RAB11FIP4: variants seen among roughly 807,000 people sequenced by gnomAD.
RAB11FIP4 encodes the protein RAB11 family interacting protein 4.
In RAB11FIP4, 23 loss-of-function variants were observed where a neutral mutation model predicts 74.3. The observed-to-expected ratio is 0.31, with a 90% CI of 0.22 to 0.44. The LOEUF (loss-of-function observed/expected upper bound fraction) is 0.44. RAB11FIP4 is among the 20% of genes least tolerant of loss of function. The pLI is 1.00. For synonymous variants in RAB11FIP4, 360 were observed against 359.9 expected (o/e 1.00, Z 0.00); for missense variants, 630 against 863.9 (o/e 0.73, Z 3.39).
At chr17:31,523,123 C>T (rs2072698947) in intron 7 of RAB11FIP4, 1 of 284,462 alleles carries the variant, frequency 3.5e-6, no homozygotes, top group Non-Finnish European at 7.0e-6. Flanking sequence ...CTCAGGAGGC[C>T]CAGACCCTCT....
chr17:31,476,487 G>A (rs147081466), intron 3 of RAB11FIP4, among the ~76,000 whole-genome samples: 1,750 of 152,076 alleles, frequency 0.012, 32 homozygotes, highest in African/African-American at 0.034. Context: ...GCCTGGCCTC[G>A]TGTGTACTAT....
chr17:31,525,364 T>A, intron 10 of RAB11FIP4, 134 bp downstream of exon 10: 1 of 829,460 alleles, frequency 1.2e-6, no homozygotes, highest in Non-Finnish European at 1.9e-6. Flanking sequence ...TTTCCAGTAG[T>A]AACAGTTCCA....
chr17:31,453,355 C>CAA (rs747844559), intron 3 of RAB11FIP4, among the ~76,000 whole-genome samples: 146 of 71,504 alleles, frequency 2.0e-3, no homozygotes, highest in Non-Finnish European at 2.8e-3. Context: ...GACCCTACCT[C>CAA]AAAAAAAAAA....
chr17:31,478,213 G>A (rs2071813669), intron 3 of RAB11FIP4, among the ~76,000 whole-genome samples: 3 of 152,146 alleles, frequency 2.0e-5, no homozygotes, highest in Non-Finnish European at 2.9e-5. Context: ...GGCTGGTCTC[G>A]AACTCTTGAC....
chr17:31,430,867 A>G (rs2071303294), intron 1 of RAB11FIP4, among the ~76,000 whole-genome samples: 1 of 152,088 alleles, frequency 6.6e-6, no homozygotes, highest in Non-Finnish European at 1.5e-5. Flanking sequence ...CAGTGAGCAG[A>G]CGCAGTGATG....
chr17:31,399,811 A>T (rs1449409203), intron 1 of RAB11FIP4, among the ~76,000 whole-genome samples: 1 of 152,024 alleles, frequency 6.6e-6, no homozygotes, highest in Non-Finnish European at 1.5e-5. Flanking sequence ...TGGGAGGCTG[A>T]GGCAGGCGGA....
chr17:31,445,572 A>ATTTTT, intron 3 of RAB11FIP4, among the ~76,000 whole-genome samples: 1 of 10,696 alleles, frequency 9.3e-5, no homozygotes, highest in Non-Finnish European at 1.5e-4. Flanking sequence ...ATATATATAT[A>ATTTTT]TATATATTTT....
chr17:31,416,076 G>A (rs1210978936), intron 1 of RAB11FIP4, among the ~76,000 whole-genome samples: 2 of 152,186 alleles, frequency 1.3e-5, no homozygotes, highest in Non-Finnish European at 2.9e-5. Flanking sequence ...GTACCTTATC[G>A]AAGCCCAGGC....
intron 1 of RAB11FIP4, among the ~76,000 whole-genome samples, chr17:31,400,527 C>T (rs1427836458): frequency 6.6e-6 from 1 of 152,204 alleles, no homozygotes; most frequent in East Asian, 1.9e-4. Context: ...ACCCTGGCTG[C>T]TGTGTGGCTC....
At chr17:31,398,089 A>G (rs2070947736) in intron 1 of RAB11FIP4, among the ~76,000 whole-genome samples, 2 of 151,594 alleles carry the variant, frequency 1.3e-5, no homozygotes, top group Admixed American at 1.3e-4. Flanking sequence ...TCACTCTGTC[A>G]CCCAGGCTGG....
intron 3 of RAB11FIP4, among the ~76,000 whole-genome samples, chr17:31,464,187 C>A (rs1393454476): frequency 6.6e-6 from 1 of 151,880 alleles, no homozygotes; most frequent in Admixed American, 6.6e-5. Flanking sequence ...TTGAACATGG[C>A]TATGAGGAGA....
intron 2 of RAB11FIP4, among the ~76,000 whole-genome samples, chr17:31,433,737 C>T (rs1348457330): frequency 2.0e-5 from 3 of 152,210 alleles, no homozygotes; most frequent in Non-Finnish European, 4.4e-5. Context: ...GGCAGCACTG[C>T]CTTAGGTCCC....
chr17:31,455,536 C>G (rs2071570963), intron 3 of RAB11FIP4, among the ~76,000 whole-genome samples: 1 of 152,136 alleles, frequency 6.6e-6, no homozygotes, highest in Non-Finnish European at 1.5e-5. Flanking sequence ...TATTTGGATC[C>G]CCTTCAAGTT....
intron 10 of RAB11FIP4, chr17:31,527,045 GC>G (rs1470047892): frequency 6.6e-6 from 1 of 152,284 alleles, no homozygotes; most frequent in African/African-American, 2.4e-5. Flanking sequence ...TACTGTCAGA[GC>G]CCATGCCTGT....
Position 31,445,231 on chromosome 17 carries a change from A to G in RAB11FIP4, c.336+11109A>G, listed in dbSNP as rs374180225. Among the ~76,000 whole-genome samples the G allele has an allele frequency of 2.5e-3, 385 of 152,252 alleles. 1 individual carries two copies. The highest frequency in any genetic ancestry group is 8.6e-3 in the African/African-American group (356 of 41,554). On this transcript the variant is annotated intron_variant, in intron 3 of 14. Transcript: ENST00000621161. The stretch of plus-strand genomic sequence containing the variant: ...TTTATTTTGAAAATTTTCAACCTTC[A>G]GAAAAGAGCAGAACAATGAATCCAC...
At chr17:31,448,004 G>T (rs2071484698) in intron 3 of RAB11FIP4, among the ~76,000 whole-genome samples, 1 of 151,666 alleles carries the variant, frequency 6.6e-6, no homozygotes, top group African/African-American at 2.4e-5. Flanking sequence ...GAGAGACAGG[G>T]TCTCACTATG....
intron 1 of RAB11FIP4, among the ~76,000 whole-genome samples, chr17:31,416,749 G>A (rs1028370218): frequency 1.4e-4 from 21 of 152,142 alleles, no homozygotes; most frequent in African/African-American, 4.1e-4. Context: ...CCTGCTGTGC[G>A]GTGAGGCCAG....
chr17:31,391,876 G>T lies in RAB11FIP4; in HGVS notation c.24G>T (p.Ser8=). ...GGATGGCGGGCGGCGCGGGCTGGTC[G>T]GGCGCCCCCGCGGCTCTGCTGCGCT... The part of the protein sequence containing the change: MAGGAGW[S]GAPAALLRSV... Residue 8 remains serine (S), a synonymous_variant, in exon 1 of 15, where the codon TCG becomes TCT. Coordinates refer to ENST00000621161, the MANE Select transcript of RAB11FIP4 (RefSeq NM_032932.6). 2 of 1,181,592 alleles carry T rather than the reference G, an allele frequency of 1.7e-6. No individual in the cohort carries two copies. Among genetic ancestry groups the T allele is most frequent in the Non-Finnish European group, 2.1e-6 (2 of 958,668 alleles). 73.2% of individuals were successfully genotyped at this position (1,181,592 alleles called of 1,614,324 possible).
chr17:31,436,450 TGGGGTA>T (rs1246474815), intron 3 of RAB11FIP4, among the ~76,000 whole-genome samples: 2 of 151,178 alleles, frequency 1.3e-5, no homozygotes, highest in Admixed American at 6.6e-5. Context: ...GGGTGGGAGT[TGGGGTA>T]GGGGTGACGT....
Sources: allele counts gnomAD v4.1 joint callset (sites outside exome capture counted in the v4.1 genomes callset), GRCh38; gene constraint gnomAD v4.1.1; transcripts MANE v1.5; gene names NCBI Gene and HGNC (gene_info 2026-07-23, HGNC 2026-07-21).